Variants in DGKI observed in about 807,000 individuals in gnomAD.
The protein encoded by DGKI is DAG kinase iota.
DGKI carries 55 observed loss-of-function variants against 147.5 expected under a neutral mutation model. The observed-to-expected ratio is 0.37, with a 90% confidence interval of 0.30 to 0.47. The LOEUF (loss-of-function observed/expected upper bound fraction) is 0.47. Among genes scored for constraint, DGKI ranks in the 20% least tolerant of loss-of-function variants. DGKI has a pLI of 1.00. For missense variants in DGKI, 1,007 were observed against 1,323.8 expected (o/e 0.76, Z 3.71); for synonymous variants, 469 against 477.1 (o/e 0.98, Z 0.22).
intron 15 of DGKI, among the ~76,000 whole-genome samples, chr7:137,580,389 ATACCTAATATCCAAGAACTGTC>A (rs1819146678): frequency 6.6e-6 from 1 of 152,088 alleles, no homozygotes; most frequent in Admixed American, 6.6e-5. Context: ...GTCCCTCTGA[ATACCTAATATCCAAGAACTGTC>A]TAAGGCAGGG....
chr7:137,718,950 G>C (rs1327042867), intron 1 of DGKI, among the ~76,000 whole-genome samples: 1 of 152,196 alleles, frequency 6.6e-6, no homozygotes, highest in Non-Finnish European at 1.5e-5. Context: ...AAGGGGCACG[G>C]TCTTTCACGC....
rs1554459920 is a variant in DGKI at position 137,696,461 on chromosome 7, T to TTTTTTTTTTG, written c.402-6460_402-6459insCAAAAAAAAA. On this transcript the variant is annotated intron_variant, in intron 1 of 32. Coordinates refer to ENST00000614521, the MANE Select transcript of DGKI (RefSeq NM_001321708.2). ...TTTTTTTTTTTTTTTTTTTTTTTTTTTTGCTTAATGTGTAAAAATGGCCTG... is the reference window on the plus strand; with the variant it reads ...TTTTTTTTTTTTTTTTTTTTTTTTTTTTTTTTTTTGTTGCTTAATGTGTAAAAATGGCCTG... 1.4e-4 allele frequency among the ~76,000 whole-genome samples: 15 copies of TTTTTTTTTTG among 109,144 alleles called. 1 individual carries two copies. Among genetic ancestry groups the TTTTTTTTTTG allele is most frequent in the East Asian group, 1.3e-3 (4 of 2,992 alleles). The allele number at this position is 109,144 out of a possible 152,430, so 71.6% of individuals were successfully genotyped here.
At chr7:137,583,795 T>C (rs898944662) in intron 14 of DGKI, among the ~76,000 whole-genome samples, 7 of 152,092 alleles carry the variant, frequency 4.6e-5, no homozygotes, top group Non-Finnish European at 1.0e-4. Context: ...CCAATTTCTA[T>C]AAGTCAAACA....
intron 21 of DGKI, chr7:137,513,872 G>A: frequency 2.9e-6 from 2 of 694,414 alleles, no homozygotes; most frequent in South Asian, 3.0e-5. Context: ...AGAGCCAAGT[G>A]GAGGAAGAAG....
At chr7:137,796,523 T>C (rs1797037414) in intron 1 of DGKI, among the ~76,000 whole-genome samples, 1 of 151,506 alleles carries the variant, frequency 6.6e-6, no homozygotes, top group African/African-American at 2.4e-5. Flanking sequence ...TTTACGTATG[T>C]TCAAAGAACT....
At chr7:137,448,369 CA>C (rs1376537698) in intron 27 of DGKI, among the ~76,000 whole-genome samples, 13 of 148,646 alleles carry the variant, frequency 8.7e-5, no homozygotes, top group Non-Finnish European at 1.5e-4. Flanking sequence ...ACCAGCATGA[CA>C]TCTATGCAAA....
chr7:137,669,593 C>G (rs948959186), intron 3 of DGKI, among the ~76,000 whole-genome samples: 4 of 152,192 alleles, frequency 2.6e-5, no homozygotes, highest in Non-Finnish European at 5.9e-5. Flanking sequence ...CACCCTTACA[C>G]AAACACGCAA....
At chr7:137,399,911 C>CAA (rs11358849) in intron 30 of DGKI, among the ~76,000 whole-genome samples, 1 of 134,368 alleles carries the variant, frequency 7.4e-6, no homozygotes, top group Non-Finnish European at 1.6e-5. Context: ...CAAGACTTCT[C>CAA]AAAAAAAAAA....
At chr7:137,559,134 G>C (rs1485827763) in intron 19 of DGKI, among the ~76,000 whole-genome samples, 48 of 135,776 alleles carry the variant, frequency 3.5e-4, no homozygotes, top group African/African-American at 1.3e-3. Context: ...TGCAGTGGCG[G>C]GATCTCGGCT....
At chr7:137,796,249 G>A (rs959474137) in intron 1 of DGKI, among the ~76,000 whole-genome samples, 4 of 152,204 alleles carry the variant, frequency 2.6e-5, no homozygotes, top group Non-Finnish European at 4.4e-5. Context: ...TGTAATCCCA[G>A]CACTTTGGGA....
intron 32 of DGKI, 128 bp downstream of exon 32, chr7:137,395,470 C>A: frequency 1.3e-6 from 1 of 778,868 alleles, no homozygotes; most frequent in Non-Finnish European, 2.1e-6. Context: ...ATTTTTTCCT[C>A]CTTTTTCCAA....
chr7:137,584,544 A>T (rs1819318592), intron 14 of DGKI, among the ~76,000 whole-genome samples: 1 of 152,240 alleles, frequency 6.6e-6, no homozygotes, highest in Non-Finnish European at 1.5e-5. Context: ...GGGGACCACT[A>T]GAGTAGAGAG....
intron 8 of DGKI, among the ~76,000 whole-genome samples, chr7:137,613,158 T>C (rs1820422595): frequency 6.6e-6 from 1 of 152,124 alleles, no homozygotes; most frequent in Non-Finnish European, 1.5e-5. Flanking sequence ...AGATCACAAA[T>C]GACTGGTTAT....
chr7:137,784,998 A>AAAT (rs1012001560), intron 1 of DGKI, among the ~76,000 whole-genome samples: 1 of 152,046 alleles, frequency 6.6e-6, no homozygotes, highest in African/African-American at 2.4e-5. Context: ...TCATAGCATT[A>AAAT]AATGCCTGTA....
chr7:137,705,866 A>G (rs1794004993), intron 1 of DGKI, among the ~76,000 whole-genome samples: 1 of 152,124 alleles, frequency 6.6e-6, no homozygotes, highest in African/African-American at 2.4e-5. Flanking sequence ...TAAATATGGA[A>G]CATGCAGTAA....
intron 1 of DGKI, among the ~76,000 whole-genome samples, chr7:137,845,348 T>G (rs1798680379): frequency 6.6e-6 from 1 of 152,224 alleles, no homozygotes; most frequent in South Asian, 2.1e-4. Context: ...CTCTGTCATC[T>G]GCGTTTGCTT....
chr7:137,580,563 C>T (rs1158898590), intron 15 of DGKI, among the ~76,000 whole-genome samples: 1 of 152,138 alleles, frequency 6.6e-6, no homozygotes, highest in Non-Finnish European at 1.5e-5. Context: ...TCCTGCTTGG[C>T]ACAGAATTTG....
intron 3 of DGKI, among the ~76,000 whole-genome samples, chr7:137,662,331 C>T (rs1167710567): frequency 6.6e-6 from 1 of 150,700 alleles, no homozygotes; most frequent in Non-Finnish European, 1.5e-5. Context: ...GCAAGCTCTG[C>T]CTCCCGGGTT....
At position 137,717,596 on chromosome 7, in the gene DGKI, G is replaced by A. The variant is rs530500920; in HGVS notation, c.402-27594C>T. On this transcript the variant is annotated intron_variant, in intron 1 of 32. Coordinates refer to ENST00000614521, the MANE Select transcript of DGKI (RefSeq NM_001321708.2). ...ACACTATATATTTTTATGTGTGTGTGTACATACTCATATAGAAATATTTTT... is the reference window on the plus strand; with the variant it reads ...ACACTATATATTTTTATGTGTGTGTATACATACTCATATAGAAATATTTTT... 3.3e-5 allele frequency among the ~76,000 whole-genome samples: 5 copies of A among 152,080 alleles called. No individual in the cohort carries two copies. In the East Asian group the frequency reaches 7.7e-4, roughly 24 times the overall value.
Sources: gnomAD v4.1 joint callset for allele counts (sites outside exome capture counted in the v4.1 genomes callset) on GRCh38, gnomAD v4.1.1 for gene constraint, MANE v1.5 for transcripts, NCBI Gene and HGNC (gene_info 2026-07-23, HGNC 2026-07-21) for gene names.